The following RANBP2 variants were observed in gnomAD, a reference collection of about 807,000 sequenced individuals.
The protein encoded by RANBP2 is E3 SUMO-protein ligase RanBP2.
In RANBP2, 57 loss-of-function variants were observed where a neutral mutation model predicts 303.6. The observed-to-expected ratio is 0.19, with a 90% CI of 0.15 to 0.23. The LOEUF (loss-of-function observed/expected upper bound fraction) is 0.23. Ranked by LOEUF, RANBP2 falls within the 10% of genes least tolerant of loss-of-function variation. RANBP2 has a pLI of 1.00. For missense variants in RANBP2, 3,138 were observed against 3,780.8 expected (o/e 0.83, Z 4.46); for synonymous variants, 1,167 against 1,301.5 (o/e 0.90, Z 2.23).
At chr2:108,942,645 G>A in the RANBP2 span, among the ~76,000 whole-genome samples, 2 of 152,164 alleles carry the variant, frequency 1.3e-5, no homozygotes, top group Non-Finnish European at 2.9e-5. Context: ...TGCTTTCCAC[G>A]CCAGAGGCCT....
chr2:109,126,116 A>T, the RANBP2 span, among the ~76,000 whole-genome samples: 1 of 152,230 alleles, frequency 6.6e-6, no homozygotes, highest in Admixed American at 6.5e-5. Context: ...AAGGGTGCAG[A>T]CAAAGCTCAC....
the RANBP2 span, among the ~76,000 whole-genome samples, chr2:109,573,380 T>C: frequency 6.6e-6 from 1 of 152,248 alleles, no homozygotes; most frequent in Non-Finnish European, 1.5e-5. Context: ...CTTGTTTTTA[T>C]GTTCCTTTAA....
chr2:108,798,359 G>C, the RANBP2 span: 1 of 1,542,366 alleles, frequency 6.5e-7, no homozygotes, highest in Non-Finnish European at 8.8e-7. Context: ...CACAGTGTCA[G>C]CCAATAGGAA....
At chr2:109,332,284 G>A in the RANBP2 span, among the ~76,000 whole-genome samples, 21 of 152,178 alleles carry the variant, frequency 1.4e-4, no homozygotes, top group Admixed American at 2.6e-4. Flanking sequence ...CCTCTGGCAC[G>A]CCAACTCTCT....
chr2:109,525,472 T>C, the RANBP2 span, among the ~76,000 whole-genome samples: 9 of 152,220 alleles, frequency 5.9e-5, no homozygotes, highest in African/African-American at 1.9e-4. Flanking sequence ...GGGCTGAAAG[T>C]GCTAGTTACC....
chr2:109,116,546 A>G, the RANBP2 span, among the ~76,000 whole-genome samples: 5 of 152,134 alleles, frequency 3.3e-5, no homozygotes, highest in African/African-American at 1.2e-4. Context: ...ATTTTTTTCA[A>G]AGTTTTCAAC....
At chr2:109,301,967 C>G in the RANBP2 span, among the ~76,000 whole-genome samples, 5 of 152,202 alleles carry the variant, frequency 3.3e-5, no homozygotes, top group African/African-American at 1.2e-4. Context: ...TGCATGTCTT[C>G]CTGGACCTGT....
chr2:109,438,148 A>G, the RANBP2 span, among the ~76,000 whole-genome samples: 1 of 152,264 alleles, frequency 6.6e-6, no homozygotes, highest in Non-Finnish European at 1.5e-5. Context: ...AAGAGGAGAC[A>G]ACACTTAGGT....
the RANBP2 span, chr2:109,565,850 G>C: frequency 2.2e-5 from 36 of 1,613,686 alleles, no homozygotes; most frequent in Non-Finnish European, 2.7e-5. Flanking sequence ...ACAGCAAACG[G>C]CAACTGTCCC....
At chr2:109,614,591 G>A in the RANBP2 span, 1 of 1,424,080 alleles carries the variant, frequency 7.0e-7, no homozygotes, top group Non-Finnish European at 9.2e-7. Flanking sequence ...ACGCCGAGCT[G>A]GTGCAGCACT....
At chr2:109,164,251 T>G in the RANBP2 span, among the ~76,000 whole-genome samples, 1 of 152,172 alleles carries the variant, frequency 6.6e-6, no homozygotes. Context: ...TGACTGATCA[T>G]AACTCACTGC....
chr2:109,224,293 T>G, the RANBP2 span, among the ~76,000 whole-genome samples: 1 of 152,254 alleles, frequency 6.6e-6, no homozygotes, highest in East Asian at 1.9e-4. Flanking sequence ...TTTGGTATTA[T>G]TAGTGATGCT....
chr2:109,688,403 A>C, the RANBP2 span, among the ~76,000 whole-genome samples: 2 of 152,038 alleles, frequency 1.3e-5, no homozygotes, highest in Non-Finnish European at 2.9e-5. Flanking sequence ...CAGGAGCGCG[A>C]CCCCTGCAGT....
At chr2:108,755,599 G>T (rs1386519834) in intron 17 of RANBP2, among the ~76,000 whole-genome samples, 2 of 151,720 alleles carry the variant, frequency 1.3e-5, no homozygotes, top group Non-Finnish European at 2.9e-5. Flanking sequence ...TTGCCATGTT[G>T]CCCAGGGTGG....
At chr2:109,261,044 T>C in the RANBP2 span, among the ~76,000 whole-genome samples, 1 of 151,868 alleles carries the variant, frequency 6.6e-6, no homozygotes, top group Non-Finnish European at 1.5e-5. Flanking sequence ...AGGAAGGAGG[T>C]CAGTAGCATG....
the RANBP2 span, among the ~76,000 whole-genome samples, chr2:109,209,520 C>G: frequency 1.3e-5 from 2 of 152,088 alleles, no homozygotes; most frequent in Non-Finnish European, 2.9e-5. Flanking sequence ...GCAAGGGAGG[C>G]GAGAACTGTG....
chr2:109,382,405 C>A, the RANBP2 span, among the ~76,000 whole-genome samples: 1 of 152,162 alleles, frequency 6.6e-6, no homozygotes, highest in Non-Finnish European at 1.5e-5. Context: ...CCCACCTGCG[C>A]CCAGCCCACT....
chr2:109,201,115 C>A, the RANBP2 span, among the ~76,000 whole-genome samples: 1 of 152,216 alleles, frequency 6.6e-6, no homozygotes, highest in Non-Finnish European at 1.5e-5. Flanking sequence ...TCAGCACAGA[C>A]CTTATTTTAT....
At chr2:108,897,302 T>G in the RANBP2 span, 1 of 1,368,110 alleles carries the variant, frequency 7.3e-7, no homozygotes, top group Admixed American at 2.1e-5. Flanking sequence ...AAAAATTATT[T>G]AAATGAAATA....
Sources: allele counts gnomAD v4.1 joint callset (sites outside exome capture counted in the v4.1 genomes callset), GRCh38; gene constraint gnomAD v4.1.1; transcripts MANE v1.5; gene names NCBI Gene and HGNC (gene_info 2026-07-23, HGNC 2026-07-21).